Variants in IQSEC1 observed in about 807,000 individuals in gnomAD.
The protein encoded by IQSEC1 is IQ motif and Sec7 domain ArfGEF 1, also known as IQ motif and SEC7 domain-containing protein 1.
In IQSEC1, 31 loss-of-function variants were observed where a neutral mutation model predicts 91.0. That is an observed-to-expected ratio of 0.34 (90% CI 0.26 to 0.46). IQSEC1 has a LOEUF of 0.46. Among genes scored for constraint, IQSEC1 ranks in the 20% least tolerant of loss-of-function variants. The probability of loss-of-function intolerance (pLI) is 1.00; values close to 1 mark genes in which losing one functional copy is unlikely to be tolerated. For missense variants in IQSEC1, 1,388 were observed against 1,575.6 expected (o/e 0.88, Z 2.02); for synonymous variants, 699 against 662.6 (o/e 1.05, Z -0.84).
chr3:13,133,218 A>G (rs1380358027), intron 2 of IQSEC1, among the ~76,000 whole-genome samples: 3 of 152,158 alleles, frequency 2.0e-5, no homozygotes, highest in African/African-American at 4.8e-5. Context: ...AAGCAGGAGG[A>G]CCCTAACTCG....
At chr3:12,988,168 C>T (rs1453096803) in intron 1 of IQSEC1, among the ~76,000 whole-genome samples, 1 of 152,228 alleles carries the variant, frequency 6.6e-6, no homozygotes, top group African/African-American at 2.4e-5. Context: ...AATCCCAGCA[C>T]TTTGGGAGGC....
intron 1 of IQSEC1, among the ~76,000 whole-genome samples, chr3:12,951,324 A>G (rs1025760314): frequency 7.2e-5 from 11 of 152,122 alleles, no homozygotes; most frequent in African/African-American, 2.4e-4. Flanking sequence ...TCGGGAGGCT[A>G]AGGCGCGAGA....
chr3:13,131,564 G>A (rs181187477), intron 2 of IQSEC1, among the ~76,000 whole-genome samples: 4 of 130,156 alleles, frequency 3.1e-5, no homozygotes, highest in South Asian at 2.7e-4. Flanking sequence ...TCAGCTCACC[G>A]CAACCTGTAG....
At chr3:13,250,756 C>G (rs957832514) in intron 1 of IQSEC1, among the ~76,000 whole-genome samples, 76 of 152,058 alleles carry the variant, frequency 5.0e-4, no homozygotes, top group Middle Eastern at 3.4e-3. Flanking sequence ...CATGAGCCAC[C>G]GCACCTGGCC....
At chr3:13,209,739 G>A (rs1235147486) in intron 1 of IQSEC1, among the ~76,000 whole-genome samples, 5 of 152,204 alleles carry the variant, frequency 3.3e-5, no homozygotes, top group Admixed American at 6.5e-5. Context: ...CCTTCCTCCC[G>A]AGAGCCTGAG....
At chr3:13,171,149 C>T (rs549365302) in intron 1 of IQSEC1, among the ~76,000 whole-genome samples, 47 of 152,160 alleles carry the variant, frequency 3.1e-4, no homozygotes, top group African/African-American at 1.1e-3. Context: ...TTCATTTCTC[C>T]CTGAGGAAAT....
chr3:13,238,755 G>T lies in IQSEC1; in HGVS notation c.272+43956C>A, dbSNP rs144257706. Among the ~76,000 whole-genome samples the T allele has an allele frequency of 2.5e-3, 375 of 152,230 alleles. 2 individuals carry two copies. Among genetic ancestry groups the T allele is most frequent in the African/African-American group, 7.9e-3 (330 of 41,554 alleles). ...CCTGCCTCAGTTTCCCCATGTCCTT[G>T]AGGATGGCCTCCACTCTGAGTCCAG... On this transcript the variant is annotated intron_variant, in intron 1 of 15. Transcript: ENST00000648114.
intron 1 of IQSEC1, among the ~76,000 whole-genome samples, chr3:13,178,915 G>A (rs1184376173): frequency 6.6e-6 from 1 of 152,080 alleles, no homozygotes; most frequent in Non-Finnish European, 1.5e-5. Flanking sequence ...CCTTCCTCAG[G>A]AAACACCTTC....
At chr3:13,132,029 G>A (rs1277395685) in intron 2 of IQSEC1, among the ~76,000 whole-genome samples, 3 of 152,136 alleles carry the variant, frequency 2.0e-5, no homozygotes, top group Non-Finnish European at 4.4e-5. Flanking sequence ...CTTTATGTGG[G>A]TAATATTTTC....
rs569979721 is a variant in IQSEC1 at position 13,039,744 on chromosome 3, C to T, written c.23+33248G>A. 3.3e-5 allele frequency among the ~76,000 whole-genome samples: 5 copies of T among 152,346 alleles called. 1 individual carries two copies. The South Asian group carries it at 1.0e-3, about 32-fold the overall frequency. On this transcript the variant is annotated intron_variant, in intron 1 of 13. Transcript: ENST00000613206. ...GAGGTCTGACCACAAAGTCTGAGTT[C>T]TTGCCCACCTGGCTGATGCATTATC... is the stretch of plus-strand genomic sequence containing the variant.
intron 1 of IQSEC1, among the ~76,000 whole-genome samples, chr3:13,197,783 G>T (rs1694161832): frequency 6.6e-6 from 1 of 152,238 alleles, no homozygotes; most frequent in Non-Finnish European, 1.5e-5. Flanking sequence ...GAGGTCCAGA[G>T]AGGCCAAGGA....
chr3:13,119,073 C>CA (rs879469350), intron 2 of IQSEC1, among the ~76,000 whole-genome samples: 290 of 131,492 alleles, frequency 2.2e-3, no homozygotes, highest in South Asian at 6.0e-3. Context: ...GACTCTGTCT[C>CA]AAAAAAAAAA....
intron 13 of IQSEC1, 107 bp downstream of exon 13, chr3:12,902,666 A>T: frequency 1.8e-6 from 1 of 547,636 alleles, no homozygotes; most frequent in South Asian, 1.9e-5. Flanking sequence ...AACAAAAAAA[A>T]AACCAAAAAA....
chr3:13,053,623 C>T (rs1019006800), intron 1 of IQSEC1, among the ~76,000 whole-genome samples: 2 of 152,294 alleles, frequency 1.3e-5, no homozygotes, highest in Middle Eastern at 3.4e-3. Context: ...GGCTCACCAG[C>T]GGCAACACAC....
chr3:13,147,669 A>G (rs1209674999), intron 2 of IQSEC1, among the ~76,000 whole-genome samples: 2 of 152,110 alleles, frequency 1.3e-5, no homozygotes, highest in Admixed American at 6.5e-5. Context: ...GTCTCACTCT[A>G]TTGCCCAGGC....
At position 12,936,356 on chromosome 3, in the gene IQSEC1, G is replaced by A. The variant is rs190867803; in HGVS notation, c.660C>T (p.Asp220=). 2.3e-4 allele frequency: 368 copies of A among 1,603,816 alleles called. No homozygotes were observed. In the East Asian group the frequency reaches 6.8e-3, roughly 30 times the overall value. Residue 220 remains aspartate, a synonymous_variant, in exon 3 of 14, where the codon GAC becomes GAT. Transcript: ENST00000613206. ...AGGCGTCCTCCAGCTCGGTGATGGC[G>A]TCCGCAAAGTCACTGGAGGGGGCCG... ...KSPAPSSDFA[D]AITELEDAFS... is the part of the protein sequence containing the mutation.
intron 1 of IQSEC1, among the ~76,000 whole-genome samples, chr3:13,017,851 G>C (rs965126071): frequency 5.3e-5 from 8 of 152,188 alleles, no homozygotes; most frequent in Non-Finnish European, 1.0e-4. Flanking sequence ...CAGAGCCAGA[G>C]AAGTGGCGGC....
chr3:12,903,340 G>A (rs531096543), intron 12 of IQSEC1, among the ~76,000 whole-genome samples: 2 of 151,936 alleles, frequency 1.3e-5, no homozygotes, highest in Non-Finnish European at 2.9e-5. Context: ...CACTGAGGGT[G>A]AAGAGGAAAC....
upstream of IQSEC1, among the ~76,000 whole-genome samples, chr3:13,076,489 A>G (rs565107678): frequency 1.3e-5 from 2 of 152,294 alleles, no homozygotes; most frequent in South Asian, 4.2e-4. Flanking sequence ...ATCTGTCCCC[A>G]AGGTGGGAGG....
Sources: allele counts gnomAD v4.1 joint callset (sites outside exome capture counted in the v4.1 genomes callset), GRCh38; gene constraint gnomAD v4.1.1; transcripts MANE v1.5; gene names NCBI Gene and HGNC (gene_info 2026-07-23, HGNC 2026-07-21).